The following DIS3L variants were observed in gnomAD, a reference collection of about 807,000 sequenced individuals.
The protein encoded by DIS3L is DIS3 like exosome 3'-5' exoribonuclease, also known as DIS3-like exonuclease 1.
Under a neutral mutation model 120.3 loss-of-function variants are expected in DIS3L, and 100 were observed. The observed-to-expected ratio is 0.83, with a 90% CI of 0.71 to 0.98. DIS3L has a LOEUF of 0.98. DIS3L is among the 50% of genes least tolerant of loss of function. The pLI, the probability that DIS3L is intolerant of heterozygous loss-of-function variation, is 0.00. For synonymous variants in DIS3L, 426 were observed against 470.6 expected (o/e 0.91, Z 1.23); for missense variants, 1,196 against 1,314.2 (o/e 0.91, Z 1.39).
intron 11 of DIS3L, among the ~76,000 whole-genome samples, chr15:66,324,834 A>G (rs1316491814): frequency 3.3e-5 from 5 of 152,192 alleles, no homozygotes; most frequent in Non-Finnish European, 5.9e-5. Flanking sequence ...TGGATTCAAG[A>G]TCAATTACTG....
intron 2 of DIS3L, among the ~76,000 whole-genome samples, chr15:66,305,464 G>A (rs2092694825): frequency 6.6e-6 from 1 of 152,060 alleles, no homozygotes; most frequent in Non-Finnish European, 1.5e-5. Context: ...GGAAGGAAGG[G>A]TACAAATGTT....
chr15:66,294,909 A>G (rs2092568932), intron 1 of DIS3L, 79 bp from the exon 2 acceptor site: 2 of 1,383,754 alleles, frequency 1.4e-6, no homozygotes, highest in East Asian at 2.5e-5. Context: ...GTTATTTTGC[A>G]TGCCAGAGCA....
At chr15:66,324,889 T>C (rs2092920173) in intron 11 of DIS3L, among the ~76,000 whole-genome samples, 1 of 152,252 alleles carries the variant, frequency 6.6e-6, no homozygotes, top group Non-Finnish European at 1.5e-5. Flanking sequence ...ATTAGCCCTA[T>C]GTTTTTTATG....
At chr15:66,324,419 C>T (rs1026384771) in intron 11 of DIS3L, among the ~76,000 whole-genome samples, 12 of 152,206 alleles carry the variant, frequency 7.9e-5, no homozygotes, top group Admixed American at 2.0e-4. Flanking sequence ...GTGATCCTTC[C>T]GCCTTGGCCA....
chr15:66,331,899 T>G lies in DIS3L; in HGVS notation c.2560T>G (p.Ser854Ala), dbSNP rs367587318. The G allele has an allele frequency of 3.0e-5, 48 of 1,608,124 alleles. No homozygotes were observed. The highest frequency in any genetic ancestry group is 3.9e-5 in the Non-Finnish European group (46 of 1,177,154). The change falls in exon 15 of 17, where the codon TCT becomes GCT. Residue 854 changes from serine to alanine, a missense_variant. Transcript: ENST00000319212. ...NQAAQHSQKQ[S>A]TELFQCMYFK... ...GGCAGCACAGCATTCTCAGAAGCAG[T>G]CTACTGAGCTCTTCCAGTGCATGTA...
In DIS3L at chr15:66,326,122, G is replaced by A; in HGVS notation, c.1959G>A (p.Gly653=). The stretch of plus-strand genomic sequence containing the variant: ...GATGTGGTGCCCTGGAACTGGAAGG[G>A]GTAGAGGTTTGCGTACAGCTAGATG... ...RDGCGALELE[G]VEVCVQLDDK... Residue 653 remains glycine (G), a synonymous_variant, in exon 12 of 17, where the codon GGG becomes GGA. Transcript: ENST00000319212. 1 of 1,614,170 alleles carries A rather than the reference G, an allele frequency of 6.2e-7. No individual in the cohort carries two copies. Among genetic ancestry groups the A allele is most frequent in the East Asian group, 2.2e-5 (1 of 44,888 alleles).
At chr15:66,303,887 C>A (rs1223237149) in intron 2 of DIS3L, among the ~76,000 whole-genome samples, 1 of 150,242 alleles carries the variant, frequency 6.7e-6, no homozygotes, top group South Asian at 2.1e-4. Flanking sequence ...GTCAGGAGAT[C>A]GAGACCATCC....
chr15:66,318,667 T>G (rs767600012), intron 8 of DIS3L, 49 bp downstream of exon 8: 2 of 1,571,740 alleles, frequency 1.3e-6, no homozygotes, highest in Non-Finnish European at 1.7e-6. Context: ...TTTCTCCTTC[T>G]GTCTTTACCA....
Position 66,332,765 on chromosome 15 carries a change from A to G in DIS3L, c.2711A>G (p.Lys904Arg). ...GGGATTAAAGGTGCTGCTTATCTAAAAAATAAAGATGGTTTAGTCATCTCA... is the reference window on the plus strand; with the variant it reads ...GGGATTAAAGGTGCTGCTTATCTAAGAAATAAAGATGGTTTAGTCATCTCA... ...RFGIKGAAYLKNKDGLVISCG... is the reference protein window; with the variant it reads ...RFGIKGAAYLRNKDGLVISCG... Residue 904 changes from lysine to arginine, a missense_variant, in exon 16 of 17, where the codon AAA (lysine) becomes AGA (arginine). Lys to Arg is a conservative substitution (Grantham distance 26). Coordinates refer to ENST00000319212, the MANE Select transcript of DIS3L (RefSeq NM_001143688.3). 6.2e-7 allele frequency: 1 copy of G among 1,613,142 alleles called. No homozygotes were observed. Among genetic ancestry groups the G allele is most frequent in the Non-Finnish European group, 8.5e-7 (1 of 1,179,656 alleles).
rs202123708 is a variant in DIS3L at position 66,322,705 on chromosome 15, A to C, written c.1345A>C (p.Asn449His). ...SEAQMCEMPV[N>H]TPESPWKVSP... ...CATACAGATGTGTGAGATGCCAGTA[A>C]ACACACCAGAAAGTCCCTGGAAGGT... The change falls in exon 10 of 17, where the codon AAC becomes CAC. Residue 449 changes from asparagine to histidine, a missense_variant. Coordinates refer to ENST00000319212, the MANE Select transcript of DIS3L (RefSeq NM_001143688.3). 366 of 1,614,082 alleles carry C rather than the reference A, an allele frequency of 2.3e-4. No homozygotes were observed. The highest frequency in any genetic ancestry group is 1.8e-3 in the Middle Eastern group (11 of 6,084).
chr15:66,322,519 T>C (rs2092895397), intron 9 of DIS3L, among the ~76,000 whole-genome samples, 168 bp from the exon 10 acceptor site: 2 of 152,190 alleles, frequency 1.3e-5, no homozygotes, highest in Admixed American at 1.3e-4. Context: ...CTGGGATATC[T>C]GAGGCACCTA....
intron 3 of DIS3L, 53 bp downstream of exon 3, chr15:66,307,005 C>A: frequency 6.2e-7 from 1 of 1,603,370 alleles, no homozygotes; most frequent in East Asian, 2.2e-5. Flanking sequence ...TTCATTTCCT[C>A]ATCATTGGCT....
chr15:66,332,719 T>G lies in DIS3L; in HGVS notation c.2682-17T>G. 6.3e-7 allele frequency: 1 copy of G among 1,595,050 alleles called. No homozygotes were observed. The highest frequency in any genetic ancestry group is 8.6e-7 in the Non-Finnish European group (1 of 1,169,572). On this transcript the variant is annotated splice_polypyrimidine_tract_variant and intron_variant, in intron 15 of 16. Transcript: ENST00000319212. ...AGAATACATTGTCTCTGGATTTATA[T>G]TCTGGTCATAATATAGGTTTGGGAT...
Position 66,323,565 on chromosome 15 carries a change from C to T in DIS3L, c.1647C>T (p.Ser549=), listed in dbSNP as rs756572289. The T allele has an allele frequency of 2.5e-6, 4 of 1,614,214 alleles. No individual in the cohort carries two copies. In the Admixed American group the frequency reaches 6.7e-5, roughly 27 times the overall value. The change falls in exon 11 of 17, where the codon TCC becomes TCT. Residue 549 remains serine (S), a synonymous_variant. Transcript: ENST00000319212. ...LPSVLSADLC[S]LLGGVDRYAV... is the part of the protein sequence containing the mutation. Reference sequence around the variant, plus strand: ...CCGTCCTCAGTGCAGATTTGTGTTCCCTTCTGGGAGGCGTTGATAGGTGAG... The same window carrying T: ...CCGTCCTCAGTGCAGATTTGTGTTCTCTTCTGGGAGGCGTTGATAGGTGAG...
intron 7 of DIS3L, 38 bp downstream of exon 7, chr15:66,315,253 C>T: frequency 6.5e-7 from 1 of 1,545,664 alleles, no homozygotes; most frequent in Non-Finnish European, 8.8e-7. Flanking sequence ...GTCCATTTTT[C>T]TTGTGGAATT....
At chr15:66,321,691 GGGAGGC>G (rs147242944) in intron 9 of DIS3L, among the ~76,000 whole-genome samples, 38,502 of 150,956 alleles carry the variant, frequency 0.26, 5,456 homozygotes, top group South Asian at 0.32. Context: ...GCTTGAACCA[GGGAGGC>G]GGAGGTTGCA....
rs774484667 is a variant in DIS3L, at chr15:66,315,045, G to A, written c.824G>A (p.Ser275Asn). 3.1e-6 allele frequency: 5 copies of A among 1,613,924 alleles called. 1 individual carries two copies. In the South Asian group the frequency reaches 5.5e-5, roughly 18 times the overall value. ...GCTGCCCCAAACACAGATTTAGTCA[G>A]TGACATCCTAATCCACGGGATGAAG... ...GASSKDSDLV[S>N]DILIHGMKAR... The change falls in exon 7 of 17, where the codon AGT becomes AAT. Residue 275 changes from serine (S) to asparagine (N), a missense_variant. By Grantham distance (46) the Ser-to-Asn change is conservative (BLOSUM62 1). Coordinates refer to ENST00000319212, the MANE Select transcript of DIS3L (RefSeq NM_001143688.3).
At chr15:66,307,941 G>A (rs995635343) in intron 3 of DIS3L, among the ~76,000 whole-genome samples, 8 of 152,134 alleles carry the variant, frequency 5.3e-5, no homozygotes, top group African/African-American at 1.9e-4. Flanking sequence ...CCAACACTTT[G>A]GGAGGCTGAG....
At chr15:66,323,928 G>A (rs1476012056) in intron 11 of DIS3L, among the ~76,000 whole-genome samples, 2 of 152,172 alleles carry the variant, frequency 1.3e-5, no homozygotes, top group African/African-American at 2.4e-5. Flanking sequence ...TTTGGCATGA[G>A]GATCATGAAC....
Sources: allele counts gnomAD v4.1 joint callset (sites outside exome capture counted in the v4.1 genomes callset), GRCh38; gene constraint gnomAD v4.1.1; transcripts MANE v1.5; gene names NCBI Gene and HGNC (gene_info 2026-07-23, HGNC 2026-07-21).